IKZF1: variants seen among roughly 807,000 people sequenced by gnomAD.
IKZF1 encodes the protein DNA-binding protein Ikaros.
Under a neutral mutation model 51.7 loss-of-function variants are expected in IKZF1, and 10 were observed. That is an observed-to-expected ratio of 0.19 (90% CI 0.12 to 0.33). The LOEUF (loss-of-function observed/expected upper bound fraction) is 0.33. Ranked by LOEUF, IKZF1 falls within the 10% of genes least tolerant of loss-of-function variation. The pLI is 1.00. For synonymous variants in IKZF1, 280 were observed against 282.3 expected (o/e 0.99, Z 0.08); for missense variants, 484 against 707.5 (o/e 0.68, Z 3.58).
At chr7:50,353,166 G>C (rs549370886) in intron 3 of IKZF1, among the ~76,000 whole-genome samples, 1 of 152,320 alleles carries the variant, frequency 6.6e-6, no homozygotes, top group African/African-American at 2.4e-5. Flanking sequence ...CACAGCCCAG[G>C]CACAGGAGGC....
intron 3 of IKZF1, chr7:50,369,353 G>A (rs1053459013): frequency 3.0e-5 from 12 of 394,240 alleles, no homozygotes; most frequent in Non-Finnish European, 4.9e-5. Context: ...AGACCCTTCA[G>A]TGAAGCCTTC....
rs1267929880 is a variant in IKZF1 at position 50,402,788 on chromosome 7, T to G, written c.*2161T>G. 18 of 230,468 alleles carry G rather than the reference T, an allele frequency of 7.8e-5. No homozygotes were observed. Among genetic ancestry groups the G allele is most frequent in the African/African-American group, 4.0e-4 (18 of 45,194 alleles). 14.3% of individuals were successfully genotyped at this position (230,468 alleles called of 1,614,324 possible). A position where few individuals can be genotyped will look rare whatever the true frequency, so the allele number is the denominator to read the frequency against. On this transcript the variant is annotated 3_prime_UTR_variant, in exon 8 of 8. Coordinates refer to ENST00000331340, the MANE Select transcript of IKZF1 (RefSeq NM_006060.6). Reference sequence around the variant, plus strand: ...TCTGCTCACAGAAGGGTGTGGCATTTGGAAACGGGAATAAACAAAATTGCT... The same window carrying G: ...TCTGCTCACAGAAGGGTGTGGCATTGGGAAACGGGAATAAACAAAATTGCT...
chr7:50,363,569 A>T (rs981647433), intron 3 of IKZF1, among the ~76,000 whole-genome samples: 1 of 152,096 alleles, frequency 6.6e-6, no homozygotes, highest in Non-Finnish European at 1.5e-5. Context: ...ACTGAACTTG[A>T]TTGTATTTTA....
Position 50,404,885 on chromosome 7 carries a change from C to G in IKZF1, c.*4258C>G, listed in dbSNP as rs756158286. Reference sequence around the variant, plus strand: ...TTACCCTTTTCTGATCTCCTGGAAACAGCTGCCTGCCTGCATTGCACTTCT... The same window carrying G: ...TTACCCTTTTCTGATCTCCTGGAAAGAGCTGCCTGCCTGCATTGCACTTCT... On this transcript the variant is annotated 3_prime_UTR_variant, in exon 8 of 8. Transcript: ENST00000331340. 1.2e-4 allele frequency: 27 copies of G among 218,544 alleles called. No homozygotes were observed. The highest frequency in any genetic ancestry group is 2.3e-4 in the Non-Finnish European group (25 of 108,818). 13.5% of individuals were successfully genotyped at this position (218,544 alleles called of 1,614,324 possible).
intron 1 of IKZF1, among the ~76,000 whole-genome samples, chr7:50,317,934 A>G (rs1791999889): frequency 6.6e-6 from 1 of 152,220 alleles, no homozygotes; most frequent in African/African-American, 2.4e-5. Context: ...GAGGTGGCCA[A>G]AAATAAAAAG....
At chr7:50,323,361 G>A (rs925718816) in intron 2 of IKZF1, among the ~76,000 whole-genome samples, 4 of 152,160 alleles carry the variant, frequency 2.6e-5, no homozygotes, top group Non-Finnish European at 5.9e-5. Flanking sequence ...TATATTTTGA[G>A]CTTGTATTTA....
chr7:50,347,477 T>C (rs1188058114), intron 3 of IKZF1, among the ~76,000 whole-genome samples: 1 of 152,070 alleles, frequency 6.6e-6, no homozygotes, highest in East Asian at 1.9e-4. Flanking sequence ...CTTTAAACCA[T>C]TGGAAACCAA....
chr7:50,368,160 A>G (rs889706400), intron 3 of IKZF1: 18 of 703,430 alleles, frequency 2.6e-5, no homozygotes, highest in African/African-American at 8.7e-5. Flanking sequence ...AACCCCCGAG[A>G]TACATTAAAT....
chr7:50,384,579 C>T (rs75364156), intron 5 of IKZF1, among the ~76,000 whole-genome samples: 437 of 152,352 alleles, frequency 2.9e-3, no homozygotes, highest in Non-Finnish European at 5.1e-3. Flanking sequence ...AGTAGCATGA[C>T]GGTGAGCATC....
intron 3 of IKZF1, among the ~76,000 whole-genome samples, chr7:50,349,071 C>G (rs1038558739): frequency 6.6e-6 from 1 of 152,168 alleles, no homozygotes; most frequent in African/African-American, 2.4e-5. Context: ...ATCTTCCCAT[C>G]GCACAACTGG....
chr7:50,382,749 G>C, intron 5 of IKZF1, 42 bp downstream of exon 5: 1 of 1,567,368 alleles, frequency 6.4e-7, no homozygotes, highest in Non-Finnish European at 8.6e-7. Context: ...TGGGTGTCCC[G>C]GGATTCCTCC....
intron 3 of IKZF1, among the ~76,000 whole-genome samples, chr7:50,343,568 T>C (rs989868099): frequency 6.6e-5 from 10 of 152,228 alleles, no homozygotes; most frequent in African/African-American, 2.2e-4. Flanking sequence ...GTTTGAGATT[T>C]GTGGACAAGG....
At chr7:50,383,627 G>C (rs1403057705) in intron 5 of IKZF1, among the ~76,000 whole-genome samples, 1 of 152,210 alleles carries the variant, frequency 6.6e-6, no homozygotes, top group Non-Finnish European at 1.5e-5. Context: ...AGACTTCGGA[G>C]GCGAAAGGTT....
At chr7:50,391,614 C>T in intron 6 of IKZF1, 115 bp from the exon 7 acceptor site, 2 of 1,441,770 alleles carry the variant, frequency 1.4e-6, no homozygotes, top group Non-Finnish European at 1.9e-6. Context: ...GAATTAATCT[C>T]TAGGAAGGGC....
chr7:50,363,164 T>C (rs1054978926), intron 3 of IKZF1, among the ~76,000 whole-genome samples: 1 of 151,820 alleles, frequency 6.6e-6, no homozygotes, highest in Non-Finnish European at 1.5e-5. Flanking sequence ...GGGATTTGGG[T>C]TTGGGTGTGC....
rs781285182 is a variant in IKZF1 at position 50,387,454 on chromosome 7, G to A, written c.699G>A (p.Pro233=). Residue 233 remains proline (P), a synonymous_variant, in exon 6 of 8, where the codon CCG becomes CCA. Coordinates refer to ENST00000331340, the MANE Select transcript of IKZF1 (RefSeq NM_006060.6). ...ACTACTTGGAAAGCATGGGCCTTCC[G>A]GGCACACTGTACCCAGGTAAGCGCT... ...CHNYLESMGL[P]GTLYPVIKEE... is the part of the protein sequence containing the mutation. 80 of 1,610,916 alleles carry A rather than the reference G, an allele frequency of 5.0e-5. No homozygotes were observed. The highest frequency in any genetic ancestry group is 2.2e-4 in the Admixed American group (13 of 59,672).
At chr7:50,319,230 G>A (rs942020078) in intron 2 of IKZF1, 129 bp downstream of exon 2, 1 of 639,610 alleles carries the variant, frequency 1.6e-6, no homozygotes, top group Admixed American at 2.5e-5. Context: ...GACCATGATG[G>A]AATTTGCCTG....
At chr7:50,393,412 T>A (rs555414439) in intron 7 of IKZF1, among the ~76,000 whole-genome samples, 56 of 152,264 alleles carry the variant, frequency 3.7e-4, no homozygotes, top group African/African-American at 1.3e-3. Context: ...AGAGGGCACC[T>A]GTTGACCTGC....
At chr7:50,327,975 G>A (rs543227766) in intron 3 of IKZF1, 11 of 524,376 alleles carry the variant, frequency 2.1e-5, no homozygotes, top group African/African-American at 9.6e-5. Context: ...CACACACCCC[G>A]CAAAATGTCC....
Sources: allele counts gnomAD v4.1 joint callset (sites outside exome capture counted in the v4.1 genomes callset), GRCh38; gene constraint gnomAD v4.1.1; transcripts MANE v1.5; gene names NCBI Gene and HGNC (gene_info 2026-07-23, HGNC 2026-07-21).